Variants in CNTNAP3 observed in about 807,000 individuals in gnomAD.
CNTNAP3 encodes contactin-associated protein-like 3.
In CNTNAP3, 36 loss-of-function variants were observed where a neutral mutation model predicts 92.1. That is an observed-to-expected ratio of 0.39 (90% CI 0.30 to 0.52). CNTNAP3 has a LOEUF of 0.52. Among genes scored for constraint, CNTNAP3 ranks in the 20% least tolerant of loss-of-function variants. The pLI is 0.76. For synonymous variants in CNTNAP3, 232 were observed against 422.3 expected, an observed-to-expected ratio of 0.55 and a Z score of 5.53; for missense variants, 534 against 1,069.6, an observed-to-expected ratio of 0.50 and a Z score of 6.98.
intron 18 of CNTNAP3, among the ~76,000 whole-genome samples, chr9:39,096,428 A>AC (rs1826326966): frequency 6.6e-6 from 1 of 152,000 alleles, no homozygotes; most frequent in Admixed American, 6.6e-5. Context: ...TTTTATGAAT[A>AC]CCTAATAGTT....
At position 39,072,819 on chromosome 9, in the gene CNTNAP3, TAG is replaced by T. The variant is rs939477879; in HGVS notation, c.*1069_*1070del. 1.3e-5 allele frequency: 2 copies of T among 152,652 alleles called. No individual in the cohort carries two copies. Among genetic ancestry groups the T allele is most frequent in the Non-Finnish European group, 2.9e-5 (2 of 68,078 alleles). The allele number at this position is 152,652 out of a possible 1,614,324, so 9.5% of individuals were successfully genotyped here. A position where few individuals can be genotyped will look rare whatever the true frequency, so the allele number is the denominator to read the frequency against. On this transcript the variant is annotated 3_prime_UTR_variant, in exon 24 of 24. Transcript: ENST00000297668. ...TGAAAAGATGTTCTGTACAACATAATAGAGTCATAGGAAATCAAAAGCATATC... is the reference window on the plus strand; with the variant it reads ...TGAAAAGATGTTCTGTACAACATAATAGTCATAGGAAATCAAAAGCATATC...
chr9:39,183,967 C>T (rs936085211), intron 4 of CNTNAP3, among the ~76,000 whole-genome samples: 1 of 149,360 alleles, frequency 6.7e-6, no homozygotes, highest in East Asian at 1.9e-4. Context: ...ATCTACATTC[C>T]GTAACTACAG....
intron 23 of CNTNAP3, among the ~76,000 whole-genome samples, chr9:39,076,956 A>C: frequency 6.9e-6 from 1 of 143,932 alleles, no homozygotes; most frequent in Non-Finnish European, 1.5e-5. Context: ...ACTCCCTCTC[A>C]AACAAACAAA....
intron 13 of CNTNAP3, among the ~76,000 whole-genome samples, chr9:39,118,516 T>C (rs1758559): frequency 1.3e-4 from 19 of 151,842 alleles, no homozygotes; most frequent in Admixed American, 5.9e-4. Context: ...GTCAGTTGCA[T>C]GTGATACATA....
Position 39,069,985 on chromosome 9 carries a change from A to G in CNTNAP3, c.*3905T>C, listed in dbSNP as rs1825605967. On this transcript the variant is annotated 3_prime_UTR_variant, in exon 24 of 24. Transcript: ENST00000297668. ...ACTTTCATCTTGCCCCAGATTGGCCAATGAGGTAGTAGGTTAAACAGCCAA... is the reference window on the plus strand; with the variant it reads ...ACTTTCATCTTGCCCCAGATTGGCCGATGAGGTAGTAGGTTAAACAGCCAA... Among the ~76,000 whole-genome samples, 1 of 151,646 alleles carries G rather than the reference A, an allele frequency of 6.6e-6. No homozygotes were observed. Among genetic ancestry groups the G allele is most frequent in the South Asian group, 2.1e-4 (1 of 4,710 alleles).
rs984713930 is a variant in CNTNAP3, at chr9:39,073,173, T to C, written c.*717A>G. ...TTTCATAGCTAACATTCAATATTAA[T>C]TTCAACATTAAAATGTATCAAAATC... On this transcript the variant is annotated 3_prime_UTR_variant, in exon 24 of 24. Coordinates refer to ENST00000297668, the MANE Select transcript of CNTNAP3 (RefSeq NM_033655.5). 6.4e-6 allele frequency: 1 copy of C among 156,064 alleles called. No homozygotes were observed. The highest frequency in any genetic ancestry group is 2.4e-5 in the African/African-American group (1 of 41,494). The allele number at this position is 156,064 out of a possible 1,614,324, so 9.7% of individuals were successfully genotyped here. A position where few individuals can be genotyped will look rare whatever the true frequency, so the allele number is the denominator to read the frequency against.
rs544642049 is a variant in CNTNAP3, at chr9:39,145,704, T to C, written c.1650-1358A>G. ...GACTTCCATAATTACATGGTGTTAA[T>C]GAGCATTTAGTCTGCATTCAGAGAA... On this transcript the variant is annotated intron_variant, in intron 10 of 23. Transcript: ENST00000297668. Among the ~76,000 whole-genome samples the C allele has an allele frequency of 5.1e-5, 7 of 136,868 alleles. 1 individual carries two copies. Among genetic ancestry groups the C allele is most frequent in the Admixed American group, 3.5e-4 (5 of 14,272 alleles). The allele number at this position is 136,868 out of a possible 152,430, so 89.8% of individuals were successfully genotyped here.
intron 21 of CNTNAP3, among the ~76,000 whole-genome samples, chr9:39,083,741 ATCTT>A (rs4062740): frequency 0.18 from 27,694 of 150,734 alleles, 564 homozygotes; most frequent in East Asian, 0.3. Context: ...CTAAAAACAA[ATCTT>A]AATTTATGAT....
intron 12 of CNTNAP3, among the ~76,000 whole-genome samples, chr9:39,137,480 C>A (rs1044567256): frequency 5.9e-5 from 9 of 152,040 alleles, no homozygotes; most frequent in Admixed American, 1.3e-4. Flanking sequence ...ATTCCAATGT[C>A]CCTGCCATAT....
chr9:39,068,347 C>T lies in CNTNAP3; in HGVS notation c.*5543G>A, dbSNP rs1442898445. Among the ~76,000 whole-genome samples, 4 of 152,290 alleles carry T rather than the reference C, an allele frequency of 2.6e-5. No homozygotes were observed. The highest frequency in any genetic ancestry group is 2.1e-4 in the South Asian group (1 of 4,838). ...AGGAGAATGGCATGAACCCTGGAGGCGGAGCTTGCAGTGAGCCAGGATCGC... is the reference window on the plus strand; with the variant it reads ...AGGAGAATGGCATGAACCCTGGAGGTGGAGCTTGCAGTGAGCCAGGATCGC... On this transcript the variant is annotated 3_prime_UTR_variant, in exon 24 of 24. Transcript: ENST00000297668.
intron 18 of CNTNAP3, among the ~76,000 whole-genome samples, chr9:39,090,086 C>G (rs1476977873): frequency 6.6e-6 from 1 of 152,002 alleles, no homozygotes; most frequent in African/African-American, 2.4e-5. Context: ...ACTACAGGCG[C>G]CCGCCACTAC....
At chr9:39,107,382 G>C (rs1156484609) in intron 15 of CNTNAP3, among the ~76,000 whole-genome samples, 1 of 144,270 alleles carries the variant, frequency 6.9e-6, no homozygotes, top group Non-Finnish European at 1.5e-5. Flanking sequence ...GGGAGAGAAA[G>C]AGGGAGGGAG....
chr9:39,110,053 A>C (rs1055811135), intron 14 of CNTNAP3, among the ~76,000 whole-genome samples: 1 of 152,300 alleles, frequency 6.6e-6, no homozygotes, highest in Non-Finnish European at 1.5e-5. Flanking sequence ...TAATACATAG[A>C]CTAATGAGTG....
At chr9:39,107,352 G>T (rs1233023280) in intron 15 of CNTNAP3, among the ~76,000 whole-genome samples, 2 of 143,040 alleles carry the variant, frequency 1.4e-5, no homozygotes, top group African/African-American at 5.0e-5. Flanking sequence ...AAGCCAGACT[G>T]AATGGGAGGG....
chr9:39,133,006 G>A lies in CNTNAP3; in HGVS notation c.2006C>T (p.Ala669Val). 10 of 1,539,266 alleles carry A rather than the reference G, an allele frequency of 6.5e-6. No homozygotes were observed. The highest frequency in any genetic ancestry group is 8.7e-6 in the Non-Finnish European group (10 of 1,150,232). ...YAAGAGQLRS[A>V]VNLAERCEQR... The stretch of plus-strand genomic sequence containing the variant: ...CTCGCAGCGCTCCGCCAGGTTCACC[G>A]CGGACCGCAGCTGCCCCGCGCCCGC... Residue 669 changes from alanine to valine, a missense_variant, in exon 13 of 24, where the codon GCG (alanine) becomes GTG (valine). By Grantham distance (64) the Ala-to-Val change is moderately conservative. Transcript: ENST00000297668.
chr9:39,209,502 T>TA (rs1822592441), intron 3 of CNTNAP3, among the ~76,000 whole-genome samples: 1 of 46,870 alleles, frequency 2.1e-5, no homozygotes, highest in Non-Finnish European at 4.1e-5. Context: ...TAGCAAATTA[T>TA]AAATAGAAAG....
chr9:39,225,805 CCT>C, intron 3 of CNTNAP3, among the ~76,000 whole-genome samples: 3 of 42,586 alleles, frequency 7.0e-5, no homozygotes, highest in Admixed American at 3.1e-4. Context: ...GCTACTGTTT[CCT>C]CTCTCTCTCT....
chr9:39,068,678 A>G lies in CNTNAP3; in HGVS notation c.*5212T>C, dbSNP rs1825567705. On this transcript the variant is annotated 3_prime_UTR_variant, in exon 24 of 24. Transcript: ENST00000297668. ...TTCCTCGCCGGTACTCTATCCTGCA[A>G]TCTCTAGCCACCTTCGTGTACCTGA... Among the ~76,000 whole-genome samples the G allele has an allele frequency of 6.6e-6, 1 of 152,310 alleles. No individual in the cohort carries two copies. The highest frequency in any genetic ancestry group is 2.1e-4 in the South Asian group (1 of 4,838).
rs1825721981 is a variant in CNTNAP3 at position 39,075,040 on chromosome 9, T to C, written c.3746-1029A>G. 3.3e-5 allele frequency among the ~76,000 whole-genome samples: 5 copies of C among 152,266 alleles called. No individual in the cohort carries two copies. The South Asian group carries it at 6.2e-4, about 19-fold the overall frequency. The stretch of plus-strand genomic sequence containing the variant: ...GCCTCGGCCTCCCAAAGTGCTGGGA[T>C]TACAGGCGTGAGCCACCGCGCCCGG... On this transcript the variant is annotated intron_variant, in intron 23 of 23. Transcript: ENST00000297668.
Sources: allele counts gnomAD v4.1 joint callset (sites outside exome capture counted in the v4.1 genomes callset), GRCh38; gene constraint gnomAD v4.1.1; transcripts MANE v1.5; gene names NCBI Gene and HGNC (gene_info 2026-07-23, HGNC 2026-07-21).